Variants in GALNT12 observed in about 807,000 individuals in gnomAD.
The protein encoded by GALNT12 is polypeptide N-acetylgalactosaminyltransferase 12, also known as UDP-GalNAc:polypeptide N-acetylgalactosaminyltransferase 12.
In GALNT12, 45 loss-of-function variants were observed where a neutral mutation model predicts 55.5. The observed-to-expected ratio is 0.81, with a 90% CI of 0.64 to 1.04. The LOEUF (loss-of-function observed/expected upper bound fraction) is 1.04. GALNT12 is among the 50% of genes least tolerant of loss of function. GALNT12 has a pLI of 0.00. For synonymous variants in GALNT12, 304 were observed against 312.2 expected, an observed-to-expected ratio of 0.97 and a Z score of 0.28; for missense variants, 709 against 754.8, an observed-to-expected ratio of 0.94 and a Z score of 0.71.
intron 6 of GALNT12, 143 bp downstream of exon 6, chr9:98,837,291 C>A: frequency 1.3e-6 from 1 of 799,826 alleles, no homozygotes. Context: ...AGAATTTATT[C>A]CTCCATTTAT....
rs1588436255 is a variant in GALNT12, at chr9:98,807,904, C to T, written c.206C>T (p.Pro69Leu). The T allele has an allele frequency of 3.4e-6, 4 of 1,188,504 alleles. No individual in the cohort carries two copies. In the Admixed American group the frequency reaches 1.4e-4, roughly 41 times the overall value. The allele number at this position is 1,188,504 out of a possible 1,614,324, so 73.6% of individuals were successfully genotyped here. A position where few individuals can be genotyped will look rare whatever the true frequency, so the allele number is the denominator to read the frequency against. Residue 69 changes from proline to leucine, a missense_variant, in exon 1 of 10, where the codon CCG (proline) becomes CTG (leucine). Pro to Leu is a moderately conservative substitution (Grantham distance 98). This residue lies in a region of GALNT12 where 110 missense variants were observed against 102.2 expected (regional missense o/e 1.08). Transcript: ENST00000375011. ...GRREPVMPRPPVPANALGARG... is the reference protein window; with the variant it reads ...GRREPVMPRPLVPANALGARG... ...CGCGAGCCGGTCATGCCGCGGCCGC[C>T]GGTGCCGGCGAACGCGCTGGGCGCG...
rs374167975 is a variant in GALNT12, at chr9:98,823,243, G to C, written c.372-13G>C. 9.9e-6 allele frequency: 16 copies of C among 1,613,478 alleles called. No individual in the cohort carries two copies. In the South Asian group the frequency reaches 1.6e-4, roughly 17 times the overall value. On this transcript the variant is annotated splice_polypyrimidine_tract_variant and intron_variant, in intron 1 of 9. Transcript: ENST00000375011. ...CTAGATCCTGAGTTCCTGAAGTTCC[G>C]CTGTATTTGCAGGTGCAAAGAGAAG... is the stretch of plus-strand genomic sequence containing the variant.
chr9:98,823,464 C>T (rs768306445), intron 2 of GALNT12, 39 bp downstream of exon 2: 2 of 1,584,060 alleles, frequency 1.3e-6, no homozygotes, highest in South Asian at 2.2e-5. Context: ...GCCTGTCCTT[C>T]TGTAGCAGTG....
chr9:98,849,861 A>C lies in GALNT12; in HGVS notation c.*769A>C, dbSNP rs1327985457. On this transcript the variant is annotated 3_prime_UTR_variant, in exon 10 of 10. Coordinates refer to ENST00000375011, the MANE Select transcript of GALNT12 (RefSeq NM_024642.5). ...TCATTTTTAATTTTTATGATACGGT[A>C]GTGTCAGGGAGAAATGTAATGTTCT... 2.3e-5 allele frequency: 7 copies of C among 311,036 alleles called. No individual in the cohort carries two copies. Among genetic ancestry groups the C allele is most frequent in the Middle Eastern group, 8.3e-4 (1 of 1,200 alleles). 19.3% of individuals were successfully genotyped at this position (311,036 alleles called of 1,614,324 possible). A position where few individuals can be genotyped will look rare whatever the true frequency, so the allele number is the denominator to read the frequency against.
Position 98,813,501 on chromosome 9 carries a change from A to ATT in GALNT12, c.371+5444_371+5445dup, listed in dbSNP as rs71369577. Among the ~76,000 whole-genome samples the ATT allele has an allele frequency of 2.6e-4, 39 of 148,520 alleles. 1 individual carries two copies. The South Asian group carries it at 2.8e-3, about 11-fold the overall frequency. On this transcript the variant is annotated intron_variant, in intron 1 of 9. Transcript: ENST00000375011. ...GTCGGCTAAGCCATCCATTTAAAAA[A>ATT]TTTTTTTTTTTTTGAGATGGAGTTT...
intron 6 of GALNT12, 112 bp downstream of exon 6, chr9:98,837,260 T>C (rs1337814068): frequency 9.7e-7 from 1 of 1,033,496 alleles, no homozygotes; most frequent in Non-Finnish European, 1.5e-6. Context: ...ATAAATTGGG[T>C]GCTCAGATAC....
chr9:98,811,672 T>G (rs1835498112), intron 1 of GALNT12, among the ~76,000 whole-genome samples: 1 of 147,762 alleles, frequency 6.8e-6, no homozygotes. Context: ...GCAAAGAGTC[T>G]CGAAGTCGTT....
intron 1 of GALNT12, among the ~76,000 whole-genome samples, chr9:98,813,692 G>T (rs900419895): frequency 6.6e-6 from 1 of 151,884 alleles, no homozygotes; most frequent in African/African-American, 2.4e-5. Context: ...TAGAAACGGG[G>T]TTTCACCATG....
At chr9:98,820,486 T>C (rs573811407) in intron 1 of GALNT12, among the ~76,000 whole-genome samples, 1 of 152,382 alleles carries the variant, frequency 6.6e-6, no homozygotes, top group East Asian at 1.9e-4. Flanking sequence ...ATTTTCTTTA[T>C]CCAGTCTATC....
chr9:98,826,780 G>A lies in GALNT12; in HGVS notation c.570G>A (p.Glu190=). ...REHLKERLAN[E]LSGLPKVRLI... ...ACCTGAAGGAGCGCTTGGCCAATGA[G>A]CTTTCGGGACTGCCCAAGGTGCGCC... Residue 190 remains glutamate, a synonymous_variant, in exon 3 of 10, where the codon GAG becomes GAA. Transcript: ENST00000375011. 6.2e-7 allele frequency: 1 copy of A among 1,611,894 alleles called. No homozygotes were observed. The highest frequency in any genetic ancestry group is 2.2e-5 in the East Asian group (1 of 44,872).
intron 1 of GALNT12, among the ~76,000 whole-genome samples, chr9:98,817,321 T>C (rs922353662): frequency 2.0e-5 from 3 of 152,224 alleles, no homozygotes; most frequent in Non-Finnish European, 2.9e-5. Flanking sequence ...ACAATCTAGC[T>C]TTTCTATGCA....
In GALNT12 at chr9:98,839,890, G is replaced by A. The variant is rs1039633198; in HGVS notation, c.1213-112G>A. 4.4e-6 allele frequency: 6 copies of A among 1,353,608 alleles called. No homozygotes were observed. In the African/African-American group the frequency reaches 8.6e-5, roughly 19 times the overall value. The allele number at this position is 1,353,608 out of a possible 1,614,324, so 83.8% of individuals were successfully genotyped here. A position where few individuals can be genotyped will look rare whatever the true frequency, so the allele number is the denominator to read the frequency against. On this transcript the variant is annotated intron_variant, in intron 6 of 9. Transcript: ENST00000375011. ...CTCCACACAGGGCCTGGCATGCGAC[G>A]AATGCTCCATCAAAGCTGGCTGGTG...
At chr9:98,821,933 C>T (rs952260147) in intron 1 of GALNT12, among the ~76,000 whole-genome samples, 1 of 152,138 alleles carries the variant, frequency 6.6e-6, no homozygotes, top group African/African-American at 2.4e-5. Context: ...GATTACTGTC[C>T]CCCTGAATAT....
chr9:98,817,571 C>G (rs1378221937), intron 1 of GALNT12, among the ~76,000 whole-genome samples: 1 of 152,084 alleles, frequency 6.6e-6, no homozygotes, highest in Non-Finnish European at 1.5e-5. Flanking sequence ...TCAAGTGATT[C>G]TCCTGCCTCA....
chr9:98,833,966 AAC>A (rs532110900), intron 4 of GALNT12, among the ~76,000 whole-genome samples: 48 of 152,274 alleles, frequency 3.2e-4, no homozygotes, highest in African/African-American at 1.1e-3. Context: ...TTTTAGGATA[AAC>A]ACACGTGAAG....
At chr9:98,827,333 TG>T (rs1835881264) in intron 3 of GALNT12, among the ~76,000 whole-genome samples, 2 of 152,032 alleles carry the variant, frequency 1.3e-5, no homozygotes, top group African/African-American at 4.8e-5. Context: ...CCGGAGTAGC[TG>T]GGATTACAGG....
Position 98,808,057 on chromosome 9 carries a change from G to C in GALNT12, c.359G>C (p.Arg120Pro), listed in dbSNP as rs202137559. The C allele has an allele frequency of 3.1e-4, 489 of 1,578,224 alleles. 1 individual carries two copies. The highest frequency in any genetic ancestry group is 5.4e-5 in the Admixed American group (3 of 55,778). ...RISLHRRLPE[R>P]WNPLCKEKKY... ...TCACTGCACCGCCGCCTGCCCGAGCGCTGGAACCCGCTGTGAGTGCACAGC... is the reference window on the plus strand; with the variant it reads ...TCACTGCACCGCCGCCTGCCCGAGCCCTGGAACCCGCTGTGAGTGCACAGC... Residue 120 changes from arginine to proline, a missense_variant, in exon 1 of 10, where the codon CGC becomes CCC. Transcript: ENST00000375011.
At chr9:98,811,308 G>T (rs1422129494) in intron 1 of GALNT12, among the ~76,000 whole-genome samples, 1 of 152,224 alleles carries the variant, frequency 6.6e-6, no homozygotes, top group Non-Finnish European at 1.5e-5. Context: ...CAAGGAAATG[G>T]TTATTAGTAA....
intron 8 of GALNT12, 88 bp from the exon 9 acceptor site, chr9:98,845,889 T>C: frequency 1.4e-6 from 2 of 1,437,770 alleles, no homozygotes; most frequent in Admixed American, 1.9e-5. Flanking sequence ...ACCCATGCTC[T>C]CGTGATCCCA....
Sources: allele counts gnomAD v4.1 joint callset (sites outside exome capture counted in the v4.1 genomes callset), GRCh38; gene constraint gnomAD v4.1.1; regional missense constraint gnomAD v4.1.1; transcripts MANE v1.5; gene names NCBI Gene and HGNC (gene_info 2026-07-23, HGNC 2026-07-21).